ADAT1: variants seen among roughly 807,000 people sequenced by gnomAD.
ADAT1 encodes the protein adenosine deaminase tRNA specific 1.
A neutral mutation model predicts 58.6 loss-of-function variants in ADAT1; 58 were observed. That is an observed-to-expected ratio of 0.99 (90% CI 0.80 to 1.23). ADAT1 has a LOEUF of 1.23. Among genes scored for constraint, ADAT1 ranks in the 50% most tolerant of loss-of-function variants. The pLI, the probability that ADAT1 is intolerant of heterozygous loss-of-function variation, is 0.00. For missense variants in ADAT1, 741 were observed against 608.6 expected, an observed-to-expected ratio of 1.22 and a Z score of -2.29; for synonymous variants, 254 against 220.8, an observed-to-expected ratio of 1.15 and a Z score of -1.33.
At position 75,603,165 on chromosome 16, in the gene ADAT1, T is replaced by G. The variant is rs1334905099; in HGVS notation, c.1296A>C (p.Gln432His). ...KTIGSLQARSQISKVELFRSF... is the reference protein window; with the variant it reads ...KTIGSLQARSHISKVELFRSF... ...ATCTGAAGAGTTCCACTTTGCTGATTTGGGATCTGTTTGGAAAAAGAAGGC... is the reference window on the plus strand; with the variant it reads ...ATCTGAAGAGTTCCACTTTGCTGATGTGGGATCTGTTTGGAAAAAGAAGGC... The change falls in exon 9 of 10, where the codon CAA (glutamine) becomes CAC (histidine). Residue 432 changes from glutamine to histidine, a missense_variant. Coordinates refer to ENST00000564657, the MANE Select transcript of ADAT1 (RefSeq NM_001324445.2). 6.2e-7 allele frequency: 1 copy of G among 1,613,924 alleles called. No individual in the cohort carries two copies. Among genetic ancestry groups the G allele is most frequent in the South Asian group, 1.1e-5 (1 of 91,066 alleles).
intron 8 of ADAT1, among the ~76,000 whole-genome samples, chr16:75,605,289 A>G (rs1166881907): frequency 6.6e-6 from 1 of 152,064 alleles, no homozygotes. Flanking sequence ...CGGTTTCGCC[A>G]TGTTGGCCAC....
rs1165904387 is a variant in ADAT1, at chr16:75,608,313, C to G, written c.1200G>C (p.Trp400Cys). 12 of 1,613,522 alleles carry G rather than the reference C, an allele frequency of 7.4e-6. No homozygotes were observed. In the Admixed American group the frequency reaches 2.0e-4, roughly 27 times the overall value. ...RLVPCGAAIS[W>C]SAVPEQPLDV... ...CCAAAGGCTGCTCAGGAACTGCACT[C>G]CAGCTGATGGCTATGAAAAGATAAG... Residue 400 changes from tryptophan to cysteine, a missense_variant, in exon 8 of 10, where the codon TGG becomes TGC. Physicochemically the swap from Trp to Cys is radical, Grantham distance 215 (BLOSUM62 -2). Transcript: ENST00000564657.
chr16:75,608,220 G>A lies in ADAT1; in HGVS notation c.1289+4C>T. The A allele has an allele frequency of 6.2e-7, 1 of 1,613,370 alleles. No homozygotes were observed. Among genetic ancestry groups the A allele is most frequent in the Non-Finnish European group, 8.5e-7 (1 of 1,179,442 alleles). On this transcript the variant is annotated splice_donor_region_variant and intron_variant, in intron 8 of 9. Coordinates refer to ENST00000564657, the MANE Select transcript of ADAT1 (RefSeq NM_001324445.2). ...CCATCTCCTCCTGCCCCAATATGCTGTACCTTGCCTGAAGGCTTCCAATTG... is the reference window on the plus strand; with the variant it reads ...CCATCTCCTCCTGCCCCAATATGCTATACCTTGCCTGAAGGCTTCCAATTG...
chr16:75,612,418 G>A lies in ADAT1; in HGVS notation c.868C>T (p.Arg290Cys), dbSNP rs557165342. 1.4e-5 allele frequency: 23 copies of A among 1,614,070 alleles called. No homozygotes were observed. The highest frequency in any genetic ancestry group is 2.2e-5 in the South Asian group (2 of 91,092). Residue 290 changes from arginine to cysteine, a missense_variant, in exon 6 of 10, where the codon CGT becomes TGT. Coordinates refer to ENST00000564657, the MANE Select transcript of ADAT1 (RefSeq NM_001324445.2). ...GACATGGAGCGTGTTCTGTCTCCAC[G>A]GCCTGGCTTCACTCGGAGCAGCCCC... ...QVGLLRVKPG[R>C]GDRTRSMSCS... is the part of the protein sequence containing the mutation.
intron 8 of ADAT1, among the ~76,000 whole-genome samples, chr16:75,604,091 C>T (rs1240727856): frequency 6.6e-6 from 1 of 151,900 alleles, no homozygotes; most frequent in African/African-American, 2.4e-5. Flanking sequence ...GAAAACAAAG[C>T]AAAAATTAAT....
rs1460526860 is a variant in ADAT1 at position 75,600,027 on chromosome 16, T to C, written c.*189A>G. 1 of 1,401,264 alleles carries C rather than the reference T, an allele frequency of 7.1e-7. No individual in the cohort carries two copies. Among genetic ancestry groups the C allele is most frequent in the Non-Finnish European group, 9.3e-7 (1 of 1,075,168 alleles). The allele number at this position is 1,401,264 out of a possible 1,614,324, so 86.8% of individuals were successfully genotyped here. On this transcript the variant is annotated 3_prime_UTR_variant, in exon 10 of 10. Coordinates refer to ENST00000564657, the MANE Select transcript of ADAT1 (RefSeq NM_001324445.2). The stretch of plus-strand genomic sequence containing the variant: ...TGAGGTCATTAGTGAGATGCCATTT[T>C]AGCAGAGAGCTACTTCAATCAAGTA...
chr16:75,621,625 T>G (rs1258207506), intron 1 of ADAT1, among the ~76,000 whole-genome samples: 1 of 152,180 alleles, frequency 6.6e-6, no homozygotes, highest in African/African-American at 2.4e-5. Flanking sequence ...CAACTGTGAT[T>G]ACTATTACAA....
Position 75,598,811 on chromosome 16 carries a change from G to A in ADAT1, c.*1405C>T, listed in dbSNP as rs977578957. 1 of 843,316 alleles carries A rather than the reference G, an allele frequency of 1.2e-6. No individual in the cohort carries two copies. Among genetic ancestry groups the A allele is most frequent in the Non-Finnish European group, 1.4e-6 (1 of 700,440 alleles). 52.2% of individuals were successfully genotyped at this position (843,316 alleles called of 1,614,324 possible). On this transcript the variant is annotated 3_prime_UTR_variant, in exon 10 of 10. Coordinates refer to ENST00000564657, the MANE Select transcript of ADAT1 (RefSeq NM_001324445.2). ...TGGAATTACAGGCGTAAGCCACCGTGCCCGGCCTAAAAACTTTTAAAATGT... is the reference window on the plus strand; with the variant it reads ...TGGAATTACAGGCGTAAGCCACCGTACCCGGCCTAAAAACTTTTAAAATGT...
intron 6 of ADAT1, 79 bp from the exon 7 acceptor site, chr16:75,609,067 A>T: frequency 1.3e-6 from 2 of 1,522,356 alleles, no homozygotes; most frequent in South Asian, 2.3e-5. Flanking sequence ...TCACATCATC[A>T]CCCCTGAGCC....
At chr16:75,609,714 TTTTG>T (rs2081471469) in intron 6 of ADAT1, among the ~76,000 whole-genome samples, 2 of 152,082 alleles carry the variant, frequency 1.3e-5, no homozygotes, top group Non-Finnish European at 2.9e-5. Flanking sequence ...CACTTAAATT[TTTTG>T]TTTTTTTGAG....
intron 4 of ADAT1, 53 bp from the exon 5 acceptor site, chr16:75,617,325 G>T: frequency 6.3e-7 from 1 of 1,586,080 alleles, no homozygotes; most frequent in Non-Finnish European, 8.6e-7. Context: ...GTGGTAAGGG[G>T]AAAGCCTCTG....
rs1853512088 is a variant in ADAT1 at position 75,620,747 on chromosome 16, C to G, written c.53G>C (p.Arg18Thr). Residue 18 changes from arginine to threonine, a missense_variant, in exon 2 of 10, where the codon AGG becomes ACG. Physicochemically the swap from Arg to Thr is moderately conservative, Grantham distance 71. Transcript: ENST00000564657. Reference protein sequence around the residue: ...AQLCYEHYGIRLPKKGKPEPN... With the variant: ...AQLCYEHYGITLPKKGKPEPN... Reference sequence around the variant, plus strand: ...CTCAGGCTTCCCCTTCTTGGGCAGCCTGATCCCATAGTGTTCATAGCATAG... The same window carrying G: ...CTCAGGCTTCCCCTTCTTGGGCAGCGTGATCCCATAGTGTTCATAGCATAG... The G allele has an allele frequency of 6.2e-7, 1 of 1,614,062 alleles. No individual in the cohort carries two copies. Among genetic ancestry groups the G allele is most frequent in the African/African-American group, 1.3e-5 (1 of 74,924 alleles).
intron 9 of ADAT1, among the ~76,000 whole-genome samples, chr16:75,600,858 A>C (rs1403459422): frequency 6.6e-6 from 1 of 152,198 alleles, no homozygotes; most frequent in Non-Finnish European, 1.5e-5. Context: ...TAAAATATTA[A>C]ATTTAGAGAT....
chr16:75,616,078 G>A (rs568059174), intron 5 of ADAT1, among the ~76,000 whole-genome samples: 1 of 150,266 alleles, frequency 6.7e-6, no homozygotes, highest in Non-Finnish European at 1.5e-5. Flanking sequence ...GCGCAATCTC[G>A]GCTCACTGCA....
At chr16:75,600,724 T>G (rs1597084815) in intron 9 of ADAT1, among the ~76,000 whole-genome samples, 1 of 150,716 alleles carries the variant, frequency 6.6e-6, no homozygotes, top group African/African-American at 2.4e-5. Flanking sequence ...CTCATGTCAA[T>G]GAACCTTCTT....
intron 8 of ADAT1, among the ~76,000 whole-genome samples, chr16:75,604,472 T>TACACACAC (rs1252582081): frequency 1.8e-5 from 1 of 54,342 alleles, no homozygotes; most frequent in African/African-American, 8.5e-5. Flanking sequence ...TATATATATA[T>TACACACAC]ATACACACAC....
At chr16:75,608,400 T>C (rs1310077113) in intron 7 of ADAT1, 77 bp from the exon 8 acceptor site, 5 of 1,271,922 alleles carry the variant, frequency 3.9e-6, no homozygotes, top group Non-Finnish European at 4.5e-6. Flanking sequence ...TAAAAATATT[T>C]CTCTGACTCT....
intron 3 of ADAT1, 110 bp from the exon 4 acceptor site, chr16:75,618,750 C>A (rs2081831434): frequency 6.2e-6 from 8 of 1,290,416 alleles, no homozygotes. Flanking sequence ...TCATGTAGCT[C>A]CTGGAGAGCT....
At position 75,612,659 on chromosome 16, in the gene ADAT1, G is replaced by C; in HGVS notation, c.627C>G (p.Thr209=). The C allele has an allele frequency of 6.2e-7, 1 of 1,614,050 alleles. No homozygotes were observed. Among genetic ancestry groups the C allele is most frequent in the Non-Finnish European group, 8.5e-7 (1 of 1,180,030 alleles). ...LEPGTAAREV[T]NGAAHHQSFG... ...AACTCTGATGGTGAGCTGCTCCGTT[G>C]GTGACCTCCCTGGCTGCAGTCCCAG... The change falls in exon 6 of 10, where the codon ACC becomes ACG. Residue 209 remains threonine (T), a synonymous_variant. Coordinates refer to ENST00000564657, the MANE Select transcript of ADAT1 (RefSeq NM_001324445.2).
Sources: gnomAD v4.1 joint callset for allele counts (sites outside exome capture counted in the v4.1 genomes callset) on GRCh38, gnomAD v4.1.1 for gene constraint, MANE v1.5 for transcripts, NCBI Gene and HGNC (gene_info 2026-07-23, HGNC 2026-07-21) for gene names.